CELF2: variants seen among roughly 807,000 people sequenced by gnomAD.
CELF2 encodes the protein CUG triplet repeat RNA-binding protein 2.
CELF2 carries 8 observed loss-of-function variants against 62.6 expected under a neutral mutation model. The ratio of observed to expected loss-of-function variants is 0.13; its 90% confidence interval spans 0.07 to 0.23. CELF2 has a LOEUF of 0.23. CELF2 is among the 10% of genes least tolerant of loss of function. The pLI, the probability that CELF2 is intolerant of heterozygous loss-of-function variation, is 1.00. For synonymous variants in CELF2, 258 were observed against 250.0 expected (o/e 1.03, Z -0.30); for missense variants, 333 against 671.0 (o/e 0.50, Z 5.56).
At chr10:11,076,932 A>G (rs1162140271) in intron 1 of CELF2, among the ~76,000 whole-genome samples, 1 of 152,232 alleles carries the variant, frequency 6.6e-6, no homozygotes, top group African/African-American at 2.4e-5. Flanking sequence ...AAAGCAGGTT[A>G]TAGTAAACTA....
Position 11,328,783 on chromosome 10 carries a change from C to G in CELF2, c.1439-143C>G. On this transcript the variant is annotated intron_variant, in intron 12 of 12. Transcript: ENST00000633077. This position sits in a 1 kb window ranked among gnomAD's most constrained non-coding sequence, Gnocchi z 6.4. ...CCATCATCCACTCACGGTGGACTCA[C>G]GATCAGTTCCGCAGAGCTGTGCTGG... 1.2e-6 allele frequency: 1 copy of G among 837,748 alleles called. No individual in the cohort carries two copies. Among genetic ancestry groups the G allele is most frequent in the Non-Finnish European group, 1.8e-6 (1 of 566,162 alleles). The allele number at this position is 837,748 out of a possible 1,614,324, so 51.9% of individuals were successfully genotyped here. A position where few individuals can be genotyped will look rare whatever the true frequency, so the allele number is the denominator to read the frequency against.
intron 1 of CELF2, among the ~76,000 whole-genome samples, chr10:10,836,794 C>G (rs1257298609): frequency 6.6e-6 from 1 of 152,204 alleles, no homozygotes; most frequent in Non-Finnish European, 1.5e-5. Context: ...TGCCACCACG[C>G]CCGGCTAATT....
chr10:10,491,733 G>A, the CELF2 span, among the ~76,000 whole-genome samples: 1 of 152,130 alleles, frequency 6.6e-6, no homozygotes, highest in Non-Finnish European at 1.5e-5. Context: ...AGTCAATTCA[G>A]TTAAGCCACA....
intron 1 of CELF2, among the ~76,000 whole-genome samples, chr10:11,150,728 A>G (rs901507749): frequency 6.6e-6 from 1 of 152,208 alleles, no homozygotes; most frequent in African/African-American, 2.4e-5. Flanking sequence ...GTGCTATGCA[A>G]CACTTAAATT....
the CELF2 span, among the ~76,000 whole-genome samples, chr10:10,531,399 A>T: frequency 6.6e-6 from 1 of 152,244 alleles, no homozygotes; most frequent in Non-Finnish European, 1.5e-5. Context: ...AAGGTCTTGT[A>T]GTATCCTTAT....
chr10:10,778,655 C>A, the CELF2 span, among the ~76,000 whole-genome samples: 8 of 152,080 alleles, frequency 5.3e-5, no homozygotes, highest in South Asian at 1.7e-3. Flanking sequence ...GGTGATATAC[C>A]TTTTGCTGGC....
chr10:11,050,927 C>G (rs2063802117), intron 1 of CELF2, among the ~76,000 whole-genome samples: 1 of 152,202 alleles, frequency 6.6e-6, no homozygotes, highest in African/African-American at 2.4e-5. Flanking sequence ...CTGCTTTCCT[C>G]CTGAATCCTC....
chr10:10,733,356 C>T, the CELF2 span, among the ~76,000 whole-genome samples: 8 of 151,932 alleles, frequency 5.3e-5, no homozygotes, highest in South Asian at 4.2e-4. Flanking sequence ...CTGCCAACAG[C>T]GATAAATGTT....
intron 1 of CELF2, among the ~76,000 whole-genome samples, chr10:11,019,756 A>T (rs765459580): frequency 1.3e-5 from 2 of 152,144 alleles, no homozygotes; most frequent in Admixed American, 6.5e-5. Flanking sequence ...GATTAGTAAC[A>T]TTTCCACGAT....
chr10:10,544,703 C>T, the CELF2 span, among the ~76,000 whole-genome samples: 2 of 152,182 alleles, frequency 1.3e-5, no homozygotes, highest in African/African-American at 4.8e-5. Context: ...ATTCTTACCA[C>T]TGTTACCAAC....
chr10:11,156,830 G>C lies in CELF2; in HGVS notation c.75-8656G>C, dbSNP rs75523777. 0.039 allele frequency among the ~76,000 whole-genome samples: 5,940 copies of C among 152,280 alleles called. 163 individuals are homozygous for C. Among genetic ancestry groups the C allele is most frequent in the Non-Finnish European group, 0.06 (4,081 of 68,006 alleles). ...GTGTGCAGCACTGTTTCTGGTCATG[G>C]ATTGCTGGTTGGGAAGGGAATTTGA... On this transcript the variant is annotated intron_variant, in intron 1 of 12. Transcript: ENST00000633077. The surrounding 1 kb of genome is among the most constrained non-coding windows in gnomAD (Gnocchi z 4.3).
the CELF2 span, among the ~76,000 whole-genome samples, chr10:10,696,259 G>A: frequency 6.6e-6 from 1 of 151,914 alleles, no homozygotes; most frequent in African/African-American, 2.4e-5. Flanking sequence ...GGAGTACCCT[G>A]CCGTGTGAGG....
At chr10:10,588,611 T>C in the CELF2 span, among the ~76,000 whole-genome samples, 1 of 152,184 alleles carries the variant, frequency 6.6e-6, no homozygotes, top group Non-Finnish European at 1.5e-5. Flanking sequence ...TTGGAGGGAT[T>C]GTAGATGACT....
the CELF2 span, among the ~76,000 whole-genome samples, chr10:10,583,947 A>G: frequency 6.6e-6 from 1 of 152,168 alleles, no homozygotes; most frequent in African/African-American, 2.4e-5. Context: ...AAAGGTGTCT[A>G]AAAAGGATCC....
the CELF2 span, among the ~76,000 whole-genome samples, chr10:10,638,790 C>A: frequency 2.6e-5 from 4 of 152,108 alleles, no homozygotes; most frequent in Non-Finnish European, 5.9e-5. Context: ...ATGTATTCAC[C>A]AAATGCAGAA....
intron 1 of CELF2, among the ~76,000 whole-genome samples, chr10:11,113,128 A>G (rs1220631747): frequency 6.6e-6 from 1 of 152,246 alleles, no homozygotes; most frequent in Admixed American, 6.5e-5. Flanking sequence ...ATTTTTAGTT[A>G]CTGAGTGAAT....
chr10:10,507,589 G>A, the CELF2 span, among the ~76,000 whole-genome samples: 11 of 152,130 alleles, frequency 7.2e-5, no homozygotes, highest in Non-Finnish European at 1.5e-4. Flanking sequence ...AAGGTAGAAA[G>A]GGGAGACACA....
At chr10:10,568,660 C>G in the CELF2 span, among the ~76,000 whole-genome samples, 3 of 152,116 alleles carry the variant, frequency 2.0e-5, no homozygotes, top group Non-Finnish European at 2.9e-5. Context: ...AAGATCTGCA[C>G]AGAGGCATGG....
the CELF2 span, among the ~76,000 whole-genome samples, chr10:10,552,671 G>A: frequency 1.3e-5 from 2 of 152,204 alleles, no homozygotes; most frequent in Admixed American, 6.5e-5. Flanking sequence ...AGGAGAAAAG[G>A]TATTCCTTAG....
Sources: allele counts gnomAD v4.1 joint callset (sites outside exome capture counted in the v4.1 genomes callset), GRCh38; gene constraint gnomAD v4.1.1; non-coding constraint Gnocchi (gnomAD v3.1); transcripts MANE v1.5; gene names NCBI Gene and HGNC (gene_info 2026-07-23, HGNC 2026-07-21).